The following DLG2 variants were observed in gnomAD, a reference collection of about 807,000 sequenced individuals.
DLG2 encodes the protein disks large homolog 2.
Under a neutral mutation model 132.5 loss-of-function variants are expected in DLG2, and 45 were observed. The ratio of observed to expected loss-of-function variants is 0.34; its 90% CI spans 0.27 to 0.44. DLG2 has a LOEUF of 0.44. DLG2 is among the 20% of genes least tolerant of loss of function. DLG2 has a pLI of 1.00. For missense variants in DLG2, 1,045 were observed against 1,196.9 expected (o/e 0.87, Z 1.87); for synonymous variants, 424 against 419.6 (o/e 1.01, Z -0.13).
At chr11:85,467,423 T>G (rs1206997676) in intron 3 of DLG2, among the ~76,000 whole-genome samples, 3 of 152,220 alleles carry the variant, frequency 2.0e-5, no homozygotes, top group Admixed American at 2.0e-4. Flanking sequence ...TTTTGCCCAT[T>G]CAGTATGATA....
chr11:84,227,494 C>T (rs1317494240), intron 8 of DLG2, among the ~76,000 whole-genome samples: 1 of 152,128 alleles, frequency 6.6e-6, no homozygotes, highest in Non-Finnish European at 1.5e-5. Context: ...TTAATCACAG[C>T]ATCTGTAAGA....
chr11:84,607,326 G>A (rs1336799304), intron 6 of DLG2, among the ~76,000 whole-genome samples: 1 of 152,106 alleles, frequency 6.6e-6, no homozygotes, highest in African/African-American at 2.4e-5. Flanking sequence ...ATTTCCACGA[G>A]GCTCCAAAGT....
At chr11:84,719,941 A>G (rs1004979685) in intron 6 of DLG2, among the ~76,000 whole-genome samples, 1 of 152,126 alleles carries the variant, frequency 6.6e-6, no homozygotes, top group African/African-American at 2.4e-5. Flanking sequence ...GTAACCTGAG[A>G]TGAGTTCAGG....
intron 6 of DLG2, among the ~76,000 whole-genome samples, chr11:84,675,429 C>T (rs1284778175): frequency 1.3e-5 from 2 of 151,904 alleles, no homozygotes; most frequent in Non-Finnish European, 2.9e-5. Context: ...CTCAGGGATT[C>T]GAAGATATTT....
intron 6 of DLG2, among the ~76,000 whole-genome samples, chr11:84,906,961 A>T (rs1033656370): frequency 6.6e-6 from 1 of 152,216 alleles, no homozygotes; most frequent in African/African-American, 2.4e-5. Flanking sequence ...GCCATTTCTA[A>T]ATCCCACCTT....
chr11:84,599,031 G>A (rs767931637), intron 6 of DLG2, among the ~76,000 whole-genome samples: 17 of 151,918 alleles, frequency 1.1e-4, no homozygotes, highest in African/African-American at 1.9e-4. Flanking sequence ...GATCACCTGA[G>A]GTCAGGAGTT....
intron 6 of DLG2, among the ~76,000 whole-genome samples, chr11:85,033,090 C>T (rs646324): frequency 0.71 from 108,452 of 152,078 alleles, 39,649 homozygotes; most frequent in East Asian, 0.93. Context: ...TGCTTTGGTG[C>T]AAAAAGTTCC....
intron 2 of DLG2, among the ~76,000 whole-genome samples, chr11:85,604,586 T>C (rs1016950012): frequency 2.6e-5 from 4 of 152,102 alleles, no homozygotes; most frequent in African/African-American, 9.7e-5. Context: ...TCAATTCTCC[T>C]GTTTTCTTCA....
intron 6 of DLG2, among the ~76,000 whole-genome samples, chr11:84,897,379 G>A (rs2090345133): frequency 2.0e-5 from 3 of 151,804 alleles, no homozygotes. Flanking sequence ...AATGCTATAA[G>A]CAATATAGCT....
Position 83,755,767 on chromosome 11 carries a change from G to A in DLG2, c.1825+30923C>T, listed in dbSNP as rs571340325. Among the ~76,000 whole-genome samples, 4 of 151,466 alleles carry A rather than the reference G, an allele frequency of 2.6e-5. No individual in the cohort carries two copies. In the South Asian group the frequency reaches 8.3e-4, roughly 31 times the overall value. ...GAGAAAGGGGAAAGAGGGAGACAGT[G>A]AGGAATAGGAAGTGACTATGGCGGT... On this transcript the variant is annotated intron_variant, in intron 18 of 27. Coordinates refer to ENST00000376104, the MANE Select transcript of DLG2 (RefSeq NM_001142699.3).
intron 6 of DLG2, among the ~76,000 whole-genome samples, chr11:85,059,433 C>G (rs757746412): frequency 1.3e-4 from 20 of 151,660 alleles, no homozygotes; most frequent in Non-Finnish European, 1.9e-4. Context: ...GAAGGCATAT[C>G]ACACCCAAAG....
At chr11:85,498,723 AAACT>A (rs1161057134) in intron 3 of DLG2, among the ~76,000 whole-genome samples, 5 of 152,182 alleles carry the variant, frequency 3.3e-5, no homozygotes, top group Admixed American at 6.5e-5. Flanking sequence ...GAATCACAAC[AAACT>A]GTCTCTCAGA....
intron 4 of DLG2, among the ~76,000 whole-genome samples, chr11:85,209,070 A>C (rs2082084207): frequency 6.6e-6 from 1 of 152,128 alleles, no homozygotes; most frequent in African/African-American, 2.4e-5. Context: ...TTTAGAACCC[A>C]AGGATTCTAG....
chr11:84,845,830 C>G (rs1051966161), intron 6 of DLG2, among the ~76,000 whole-genome samples: 3 of 151,918 alleles, frequency 2.0e-5, no homozygotes, highest in Admixed American at 6.6e-5. Flanking sequence ...GAGATGCACA[C>G]CAACACACCC....
At chr11:85,085,870 T>G (rs2067857484) in intron 6 of DLG2, among the ~76,000 whole-genome samples, 1 of 152,152 alleles carries the variant, frequency 6.6e-6, no homozygotes, top group Non-Finnish European at 1.5e-5. Flanking sequence ...AATAAATATT[T>G]ATTGGATGAG....
intron 21 of DLG2, among the ~76,000 whole-genome samples, chr11:83,495,157 A>T (rs2094083147): frequency 6.6e-6 from 1 of 152,134 alleles, no homozygotes; most frequent in Non-Finnish European, 1.5e-5. Context: ...GCTCTGTGTC[A>T]TCTAATTATG....
intron 9 of DLG2, among the ~76,000 whole-genome samples, chr11:84,133,330 T>C (rs2094486404): frequency 2.0e-5 from 3 of 152,020 alleles, no homozygotes; most frequent in Admixed American, 2.0e-4. Context: ...GTTTTTAGTT[T>C]TAGAGGTGTA....
At chr11:84,387,114 CA>C in intron 7 of DLG2, among the ~76,000 whole-genome samples, 1 of 152,102 alleles carries the variant, frequency 6.6e-6, no homozygotes, top group Middle Eastern at 3.4e-3. Context: ...GTGGTGGAAG[CA>C]GTTGAGTCCC....
intron 16 of DLG2, among the ~76,000 whole-genome samples, chr11:83,843,156 A>G (rs1373875804): frequency 6.6e-6 from 1 of 152,138 alleles, no homozygotes; most frequent in Admixed American, 6.5e-5. Context: ...ACTTAACTTC[A>G]TTGTGCCCCT....
Sources: gnomAD v4.1 joint callset for allele counts (sites outside exome capture counted in the v4.1 genomes callset) on GRCh38, gnomAD v4.1.1 for gene constraint, MANE v1.5 for transcripts, NCBI Gene and HGNC (gene_info 2026-07-23, HGNC 2026-07-21) for gene names.